SOAT1: variants seen among roughly 807,000 people sequenced by gnomAD.
The protein encoded by SOAT1 is acyl-coenzyme A:cholesterol acyltransferase 1.
In SOAT1, 55 loss-of-function variants were observed where a neutral mutation model predicts 69.5. The observed-to-expected ratio is 0.79, with a 90% CI of 0.64 to 0.99. The LOEUF (loss-of-function observed/expected upper bound fraction) is 0.99. SOAT1 is among the 50% of genes least tolerant of loss of function. The pLI is 0.00. For missense variants in SOAT1, 580 were observed against 669.3 expected, an observed-to-expected ratio of 0.87 and a Z score of 1.47; for synonymous variants, 231 against 224.7, an observed-to-expected ratio of 1.03 and a Z score of -0.25.
intron 7 of SOAT1, 89 bp from the exon 8 acceptor site, chr1:179,342,025 C>T (rs1003664074): frequency 3.0e-5 from 46 of 1,509,736 alleles, no homozygotes; most frequent in Non-Finnish European, 4.0e-5. Context: ...TCTGACTTTA[C>T]TGGCTATCTA....
chr1:179,297,042 CTT>C (rs2124927489), intron 1 of SOAT1, among the ~76,000 whole-genome samples: 1 of 152,240 alleles, frequency 6.6e-6, no homozygotes, highest in South Asian at 2.1e-4. Context: ...TTACCTGTGA[CTT>C]TGAACAAGTT....
intron 2 of SOAT1, among the ~76,000 whole-genome samples, chr1:179,320,120 C>T (rs1050884408): frequency 2.6e-5 from 4 of 151,530 alleles, no homozygotes; most frequent in Non-Finnish European, 2.9e-5. Flanking sequence ...CTTGATTGTT[C>T]TTTTGGTGTT....
chr1:179,343,986 A>G (rs867696456), intron 10 of SOAT1, among the ~76,000 whole-genome samples: 13 of 152,124 alleles, frequency 8.5e-5, no homozygotes, highest in African/African-American at 3.1e-4. Flanking sequence ...CCTGGCGTGG[A>G]GGCACGTACC....
At chr1:179,313,215 A>G (rs1166146059) in intron 2 of SOAT1, among the ~76,000 whole-genome samples, 4 of 152,186 alleles carry the variant, frequency 2.6e-5, no homozygotes, top group African/African-American at 7.2e-5. Flanking sequence ...TCCTGTTATC[A>G]CAGTAGAGTT....
chr1:179,342,323 T>TTCTC, intron 8 of SOAT1, 131 bp downstream of exon 8: 2 of 569,746 alleles, frequency 3.5e-6, no homozygotes, highest in Non-Finnish European at 6.2e-6. Context: ...CTCTTTCTCT[T>TTCTC]TCTCTCTCTC....
chr1:179,325,166 T>TTC (rs1665739584), intron 3 of SOAT1, among the ~76,000 whole-genome samples: 2 of 148,130 alleles, frequency 1.4e-5, no homozygotes, highest in South Asian at 4.4e-4. Context: ...TTTTTTTTTT[T>TTC]TGAGACAGAG....
At chr1:179,301,606 G>A (rs1000212514) in intron 1 of SOAT1, among the ~76,000 whole-genome samples, 1 of 152,176 alleles carries the variant, frequency 6.6e-6, no homozygotes, top group African/African-American at 2.4e-5. Flanking sequence ...TGTATTCCTG[G>A]TACATGGGTG....
intron 2 of SOAT1, among the ~76,000 whole-genome samples, chr1:179,315,487 G>A (rs1488041269): frequency 6.6e-6 from 1 of 151,514 alleles, no homozygotes; most frequent in Non-Finnish European, 1.5e-5. Context: ...AAAAAGCAGT[G>A]GATATTAGCT....
At chr1:179,303,712 A>C (rs1285833659) in intron 2 of SOAT1, among the ~76,000 whole-genome samples, 1 of 152,214 alleles carries the variant, frequency 6.6e-6, no homozygotes, top group Non-Finnish European at 1.5e-5. Flanking sequence ...GCTATATATG[A>C]CATATTTATA....
rs1283189925 is a variant in SOAT1, at chr1:179,348,917, A to G, written c.1289A>G (p.Tyr430Cys). ...WNVVVHDWLY[Y>C]YAYKDFLWFF... is the part of the protein sequence containing the mutation. ...GTGGTGGTCCATGACTGGCTATATT[A>G]CTATGCTTACAAGGACTTTCTCTGG... Residue 430 changes from tyrosine to cysteine, a missense_variant, in exon 13 of 16, where the codon TAC becomes TGC. Physicochemically the swap from Tyr to Cys is radical, Grantham distance 194 (BLOSUM62 -2). Coordinates refer to ENST00000367619, the MANE Select transcript of SOAT1 (RefSeq NM_003101.6). 1.2e-6 allele frequency: 2 copies of G among 1,603,730 alleles called. No homozygotes were observed. Among genetic ancestry groups the G allele is most frequent in the Non-Finnish European group, 1.7e-6 (2 of 1,170,710 alleles).
At chr1:179,343,991 C>T (rs947073330) in intron 10 of SOAT1, among the ~76,000 whole-genome samples, 11 of 152,062 alleles carry the variant, frequency 7.2e-5, no homozygotes, top group African/African-American at 2.4e-4. Context: ...CGTGGAGGCA[C>T]GTACCTGTAA....
At chr1:179,310,949 T>C (rs1665199505) in intron 2 of SOAT1, among the ~76,000 whole-genome samples, 1 of 152,224 alleles carries the variant, frequency 6.6e-6, no homozygotes, top group African/African-American at 2.4e-5. Flanking sequence ...GTCCTTTTTT[T>C]TTCTTCAATG....
At chr1:179,302,622 G>A in intron 1 of SOAT1, 55 bp from the exon 2 acceptor site, 1 of 1,084,104 alleles carries the variant, frequency 9.2e-7, no homozygotes, top group Non-Finnish European at 1.4e-6. Context: ...CTCAGGTAGT[G>A]TATAGCAGTG....
At chr1:179,309,476 A>G (rs940443133) in intron 2 of SOAT1, among the ~76,000 whole-genome samples, 2 of 152,232 alleles carry the variant, frequency 1.3e-5, no homozygotes, top group Non-Finnish European at 2.9e-5. Context: ...TGTTATGCCA[A>G]TTTATATTCC....
chr1:179,303,442 G>A lies in SOAT1; in HGVS notation c.118+640G>A, dbSNP rs78404873. On this transcript the variant is annotated intron_variant, in intron 2 of 15. Coordinates refer to ENST00000367619, the MANE Select transcript of SOAT1 (RefSeq NM_003101.6). ...AATTGATGTCATCTATTGCATCAGG[G>A]TATTAATTTTTGCAGTGACATTTGT... Among the ~76,000 whole-genome samples, 1,085 of 152,292 alleles carry A rather than the reference G, an allele frequency of 7.1e-3. 12 individuals carry two copies. Among genetic ancestry groups the A allele is most frequent in the African/African-American group, 0.024 (998 of 41,564 alleles).
At position 179,353,634 on chromosome 1, in the gene SOAT1, T is replaced by C; in HGVS notation, c.1646T>C (p.Val549Ala). 1.2e-6 allele frequency: 2 copies of C among 1,613,648 alleles called. No individual in the cohort carries two copies. The highest frequency in any genetic ancestry group is 1.7e-6 in the Non-Finnish European group (2 of 1,179,654). ...CCACGTTCCTGGACTTGTCGTTACGTGTTTTAGAAGCTTGGACTTTGTTTC... is the reference window on the plus strand; with the variant it reads ...CCACGTTCCTGGACTTGTCGTTACGCGTTTTAGAAGCTTGGACTTTGTTTC... ...VRPRSWTCRY[V>A]F is the part of the protein sequence containing the mutation. Residue 549 changes from valine to alanine, a missense_variant, in exon 16 of 16, where the codon GTG becomes GCG. Val to Ala is a moderately conservative substitution (Grantham distance 64, BLOSUM62 0). Coordinates refer to ENST00000367619, the MANE Select transcript of SOAT1 (RefSeq NM_003101.6).
chr1:179,308,539 G>T (rs1374480163), intron 2 of SOAT1, among the ~76,000 whole-genome samples: 3 of 151,922 alleles, frequency 2.0e-5, no homozygotes, highest in Non-Finnish European at 4.4e-5. Flanking sequence ...GGGCGTGGTG[G>T]TGGGTGCCTG....
rs1666919085 is a variant in SOAT1, at chr1:179,356,673, T to A, written c.*3032T>A. 1 of 151,510 alleles carries A rather than the reference T, an allele frequency of 6.6e-6. No homozygotes were observed. Among genetic ancestry groups the A allele is most frequent in the Non-Finnish European group, 1.5e-5 (1 of 67,972 alleles). The allele number at this position is 151,510 out of a possible 1,614,324, so 9.4% of individuals were successfully genotyped here. ...CCTGGCTCCTTGCTCCAGAATCAGT[T>A]TTTTAATGGAAGATAGCTCATACTT... is the stretch of plus-strand genomic sequence containing the variant. On this transcript the variant is annotated 3_prime_UTR_variant, in exon 16 of 16. Transcript: ENST00000367619.
Position 179,323,418 on chromosome 1 carries a change from TG to T in SOAT1, c.119-18del. The T allele has an allele frequency of 1.9e-6, 3 of 1,611,522 alleles. No homozygotes were observed. Among genetic ancestry groups the T allele is most frequent in the Non-Finnish European group, 2.5e-6 (3 of 1,178,264 alleles). ...GCTGTATCCATCAACTTAAAAGTCA[TG>T]TTTTTTTCTTCCCGTAGGTCGAATT... On this transcript the variant is annotated intron_variant, in intron 2 of 15. Coordinates refer to ENST00000367619, the MANE Select transcript of SOAT1 (RefSeq NM_003101.6).
Sources: allele counts gnomAD v4.1 joint callset (sites outside exome capture counted in the v4.1 genomes callset), GRCh38; gene constraint gnomAD v4.1.1; transcripts MANE v1.5; gene names NCBI Gene and HGNC (gene_info 2026-07-23, HGNC 2026-07-21).